Variants in KIF21A observed in about 807,000 individuals in gnomAD.
KIF21A encodes kinesin-like protein KIF21A.
KIF21A carries 114 observed loss-of-function variants against 202.9 expected under a neutral mutation model. That is an observed-to-expected ratio of 0.56 (90% CI 0.48 to 0.66). KIF21A has a LOEUF of 0.66. Among genes scored for constraint, KIF21A ranks in the 30% least tolerant of loss-of-function variants. The pLI is 0.00. For missense variants in KIF21A, 1,677 were observed against 1,994.9 expected, an observed-to-expected ratio of 0.84 and a Z score of 3.04; for synonymous variants, 667 against 670.8, an observed-to-expected ratio of 0.99 and a Z score of 0.09.
At position 39,394,222 on chromosome 12, in the gene KIF21A, A is replaced by G. The variant is rs938118645; in HGVS notation, c.45-23961T>C. ...TTGCAGAGCATGCAATACATAGGTC[A>G]TCTTCACATCAAATGCTGCAGTCTT... On this transcript the variant is annotated intron_variant, in intron 1 of 37. Transcript: ENST00000361418. Among the ~76,000 whole-genome samples, 5 of 152,236 alleles carry G rather than the reference A, an allele frequency of 3.3e-5. No homozygotes were observed. The East Asian group carries it at 9.6e-4, about 29-fold the overall frequency.
Position 39,303,100 on chromosome 12 carries a change from C to CA in KIF21A, c.4595dup (p.Ser1533GlufsTer7). ...GGGGTTCAAAATTGTGGGTGGGACTCACAGTCCCAAGAGCTCCTTCTGTAA... is the reference window on the plus strand; with the variant it reads ...GGGGTTCAAAATTGTGGGTGGGACTCAACAGTCCCAAGAGCTCCTTCTGTAA... On this transcript the variant is annotated frameshift_variant, in exon 36 of 38. Transcript: ENST00000361418. LOFTEE classifies it high-confidence loss of function. 6.2e-7 allele frequency: 1 copy of CA among 1,613,844 alleles called. No individual in the cohort carries two copies.
intron 1 of KIF21A, among the ~76,000 whole-genome samples, chr12:39,396,590 G>A (rs999841090): frequency 3.9e-5 from 6 of 152,188 alleles, no homozygotes; most frequent in South Asian, 2.1e-4. Flanking sequence ...ATATACTTGC[G>A]CACTAAATTA....
At chr12:39,304,980 T>C (rs1277431065) in intron 34 of KIF21A, 42 bp from the exon 35 acceptor site, 1 of 945,222 alleles carries the variant, frequency 1.1e-6, no homozygotes, top group Non-Finnish European at 1.7e-6. Context: ...AAATTATTTC[T>C]TAGTATGATG....
intron 1 of KIF21A, among the ~76,000 whole-genome samples, chr12:39,441,676 A>AAAAAAAAAAAAAAAAC (rs1041857523): frequency 2.5e-4 from 34 of 137,372 alleles, no homozygotes; most frequent in African/African-American, 8.9e-4. Context: ...AAAAAAAAAA[A>AAAAAAAAAAAAAAAAC]AAAACACTTA....
chr12:39,356,743 G>T, intron 10 of KIF21A, 89 bp downstream of exon 10: 1 of 696,214 alleles, frequency 1.4e-6, no homozygotes, highest in Non-Finnish European at 2.6e-6. Flanking sequence ...GACAACTGTT[G>T]AACACTAAGC....
At chr12:39,302,932 C>T (rs763307475) in intron 36 of KIF21A, 33 bp downstream of exon 36, 13 of 1,586,720 alleles carry the variant, frequency 8.2e-6, no homozygotes, top group South Asian at 5.5e-5. Flanking sequence ...TGTTGAAATG[C>T]CCACTCTATA....
At chr12:39,330,304 C>G in intron 23 of KIF21A, 42 bp from the exon 24 acceptor site, 1 of 1,572,450 alleles carries the variant, frequency 6.4e-7, no homozygotes, top group Non-Finnish European at 8.7e-7. Context: ...AGCAATACTC[C>G]AATCAAAACA....
chr12:39,353,025 TAAG>T (rs1565918621), intron 10 of KIF21A, among the ~76,000 whole-genome samples: 1 of 151,972 alleles, frequency 6.6e-6, no homozygotes, highest in Non-Finnish European at 1.5e-5. Flanking sequence ...GACTGAAAAA[TAAG>T]AAGAAAACAC....
intron 1 of KIF21A, among the ~76,000 whole-genome samples, chr12:39,412,422 A>G (rs1953176701): frequency 2.0e-5 from 3 of 152,194 alleles, no homozygotes; most frequent in Non-Finnish European, 4.4e-5. Context: ...GGACTTGTTG[A>G]AAAGTAATTA....
At chr12:39,439,525 T>C (rs1431088418) in intron 1 of KIF21A, among the ~76,000 whole-genome samples, 7 of 152,186 alleles carry the variant, frequency 4.6e-5, no homozygotes, top group African/African-American at 1.7e-4. Context: ...ATTTCAAAAC[T>C]TTACAGCTGA....
intron 24 of KIF21A, 165 bp downstream of exon 24, chr12:39,330,077 A>G (rs1268040023): frequency 3.4e-6 from 2 of 593,868 alleles, no homozygotes; most frequent in Non-Finnish European, 3.1e-6. Context: ...TGTTTAATAA[A>G]AGACTTAGTG....
At chr12:39,416,162 C>T (rs566661387) in intron 1 of KIF21A, among the ~76,000 whole-genome samples, 3 of 152,164 alleles carry the variant, frequency 2.0e-5, no homozygotes, top group Admixed American at 6.5e-5. Flanking sequence ...ACACCAAGTA[C>T]TAGAGATGAA....
chr12:39,322,005 T>G (rs982861216), intron 27 of KIF21A: 2 of 152,648 alleles, frequency 1.3e-5, no homozygotes, highest in Non-Finnish European at 2.9e-5. Context: ...TTCTTTGTCC[T>G]CAAGATAATA....
chr12:39,329,059 T>C (rs1383487964), intron 24 of KIF21A, among the ~76,000 whole-genome samples: 2 of 152,204 alleles, frequency 1.3e-5, no homozygotes, highest in Non-Finnish European at 2.9e-5. Flanking sequence ...AGCCCAATGA[T>C]TGTGATAAAA....
chr12:39,310,449 T>A (rs896221182), intron 32 of KIF21A, among the ~76,000 whole-genome samples: 1 of 152,054 alleles, frequency 6.6e-6, no homozygotes, highest in Non-Finnish European at 1.5e-5. Context: ...CTGATTAAAG[T>A]GAATCTTGGA....
chr12:39,310,262 T>C (rs1441228869), intron 32 of KIF21A, among the ~76,000 whole-genome samples: 8 of 152,232 alleles, frequency 5.3e-5, no homozygotes, highest in Admixed American at 3.9e-4. Context: ...TTTTCTGATA[T>C]GTTGAATATC....
At chr12:39,341,959 G>GT in intron 13 of KIF21A, 75 bp downstream of exon 13, 2 of 969,344 alleles carry the variant, frequency 2.1e-6, no homozygotes, top group Admixed American at 1.9e-5. Flanking sequence ...CTACAAGTAA[G>GT]TTAGTAAGTT....
chr12:39,326,281 G>C lies in KIF21A; in HGVS notation c.3384C>G (p.Ser1128Arg). Residue 1128 changes from serine (S) to arginine (R), a missense_variant, in exon 25 of 38, where the codon AGC (serine) becomes AGG (arginine). Physicochemically the swap from Ser to Arg is moderately radical, Grantham distance 110 (BLOSUM62 -1). Coordinates refer to ENST00000361418, the MANE Select transcript of KIF21A (RefSeq NM_001173464.2). ...DSTDEDAPLN[S>R]PGSEGSTLSS... ...CTTCTTACCTTCCTTCTGATCCTGG[G>C]CTGTTTAAAGGAGCATCCTCATCAG... 1.2e-6 allele frequency: 2 copies of C among 1,611,358 alleles called. No individual in the cohort carries two copies. Among genetic ancestry groups the C allele is most frequent in the Non-Finnish European group, 8.5e-7 (1 of 1,177,932 alleles).
chr12:39,367,336 T>C, intron 4 of KIF21A, 172 bp from the exon 5 acceptor site: 1 of 656,614 alleles, frequency 1.5e-6, no homozygotes, highest in Non-Finnish European at 2.6e-6. Context: ...CTCAGTATAA[T>C]AGTGTATTAT....
Sources: gnomAD v4.1 joint callset for allele counts (sites outside exome capture counted in the v4.1 genomes callset) on GRCh38, gnomAD v4.1.1 for gene constraint, MANE v1.5 for transcripts, NCBI Gene and HGNC (gene_info 2026-07-23, HGNC 2026-07-21) for gene names.